The following SPAG16 variants were observed in gnomAD, a reference collection of about 807,000 sequenced individuals.
The protein encoded by SPAG16 is sperm-associated antigen 16 protein.
In SPAG16, 86 loss-of-function variants were observed where a neutral mutation model predicts 80.4. The observed-to-expected ratio is 1.07, with a 90% confidence interval of 0.90 to 1.28. SPAG16 has a LOEUF of 1.28. SPAG16 is among the 50% of genes most tolerant of loss of function. SPAG16 has a pLI of 0.00. For missense variants in SPAG16, 870 were observed against 765.3 expected, an observed-to-expected ratio of 1.14 and a Z score of -1.61; for synonymous variants, 294 against 265.9, an observed-to-expected ratio of 1.11 and a Z score of -1.03.
intron 9 of SPAG16, among the ~76,000 whole-genome samples, chr2:213,407,112 T>C (rs931747453): frequency 6.6e-6 from 1 of 152,054 alleles, no homozygotes; most frequent in African/African-American, 2.4e-5. Context: ...GCGTGAATGA[T>C]CACAAACAAC....
intron 12 of SPAG16, among the ~76,000 whole-genome samples, chr2:213,949,169 G>GTTTTTTTTTTTTTTTTTTTTTTT (rs767648099): frequency 1.8e-5 from 1 of 56,724 alleles, no homozygotes; most frequent in Non-Finnish European, 3.6e-5. Context: ...AATTACAACA[G>GTTTTTTTTTTTTTTTTTTTTTTT]TTTTTTTTTT....
chr2:213,633,045 ATTAG>A (rs1444601613), intron 10 of SPAG16, among the ~76,000 whole-genome samples: 1 of 152,112 alleles, frequency 6.6e-6, no homozygotes, highest in Admixed American at 6.6e-5. Flanking sequence ...TAGGATTGGT[ATTAG>A]TTCTTCTTTG....
At chr2:213,617,223 A>T (rs1285017189) in intron 10 of SPAG16, among the ~76,000 whole-genome samples, 1 of 152,114 alleles carries the variant, frequency 6.6e-6, no homozygotes, top group Non-Finnish European at 1.5e-5. Context: ...TCCTAATAAG[A>T]CCTAGTCTGG....
chr2:214,198,882 G>T (rs1228829128), intron 15 of SPAG16, among the ~76,000 whole-genome samples: 3 of 151,844 alleles, frequency 2.0e-5, no homozygotes, highest in Non-Finnish European at 4.4e-5. Flanking sequence ...TCATATGTTT[G>T]TTGGCCATTT....
intron 10 of SPAG16, among the ~76,000 whole-genome samples, chr2:213,747,761 A>T (rs548242648): frequency 1.3e-5 from 2 of 152,302 alleles, no homozygotes; most frequent in Admixed American, 1.3e-4. Context: ...ATCTCAGAAT[A>T]CATCACCGTC....
chr2:213,907,108 T>G (rs968100275), intron 11 of SPAG16, among the ~76,000 whole-genome samples: 1 of 152,056 alleles, frequency 6.6e-6, no homozygotes, highest in Non-Finnish European at 1.5e-5. Flanking sequence ...TTCAAACTAT[T>G]CATTCAACAA....
At chr2:213,672,019 T>A (rs2063829108) in intron 10 of SPAG16, among the ~76,000 whole-genome samples, 1 of 152,230 alleles carries the variant, frequency 6.6e-6, no homozygotes. Flanking sequence ...AAAAGTGATT[T>A]AGCCATAGAG....
At chr2:213,672,855 G>GTT (rs1559363006) in intron 10 of SPAG16, among the ~76,000 whole-genome samples, 1 of 133,598 alleles carries the variant, frequency 7.5e-6, no homozygotes, top group Non-Finnish European at 1.6e-5. Flanking sequence ...GTTTTATTTT[G>GTT]TTTGTTTTTT....
At chr2:214,261,187 A>G (rs543474402) in intron 15 of SPAG16, among the ~76,000 whole-genome samples, 1 of 147,862 alleles carries the variant, frequency 6.8e-6, no homozygotes, top group Non-Finnish European at 1.5e-5. Flanking sequence ...TGCATTCCTG[A>G]AACTCCCTCA....
intron 14 of SPAG16, among the ~76,000 whole-genome samples, chr2:214,126,917 G>T (rs190254865): frequency 6.6e-6 from 1 of 151,942 alleles, no homozygotes; most frequent in African/African-American, 2.4e-5. Context: ...CTTAAGAAAT[G>T]ATTATTTTGA....
At chr2:213,813,686 G>A (rs1352396693) in intron 10 of SPAG16, among the ~76,000 whole-genome samples, 1 of 152,138 alleles carries the variant, frequency 6.6e-6, no homozygotes, top group Admixed American at 6.6e-5. Context: ...AGCAGAGGCG[G>A]TCTGCTGCTA....
chr2:213,366,397 CT>C (rs565594256), intron 8 of SPAG16, among the ~76,000 whole-genome samples: 24 of 148,520 alleles, frequency 1.6e-4, no homozygotes, highest in East Asian at 3.9e-4. Flanking sequence ...GTGAGAAAAT[CT>C]TTTTTTTTTA....
chr2:213,313,906 G>T (rs1051354205), intron 4 of SPAG16, among the ~76,000 whole-genome samples: 71 of 151,882 alleles, frequency 4.7e-4, no homozygotes, highest in African/African-American at 1.7e-3. Context: ...AAATCTTTAT[G>T]AAAACATGGA....
chr2:213,360,032 TTC>T (rs1475910791), intron 7 of SPAG16, among the ~76,000 whole-genome samples: 2 of 152,198 alleles, frequency 1.3e-5, no homozygotes, highest in Non-Finnish European at 2.9e-5. Context: ...TAAATAGCTT[TTC>T]TCTCTCAACC....
chr2:213,359,072 T>C (rs1158094497), intron 7 of SPAG16, among the ~76,000 whole-genome samples: 1 of 152,202 alleles, frequency 6.6e-6, no homozygotes, highest in African/African-American at 2.4e-5. Flanking sequence ...TTTGCCTCGC[T>C]ATCACCAGCA....
chr2:214,115,919 A>G (rs974484763), intron 14 of SPAG16, among the ~76,000 whole-genome samples: 1 of 149,212 alleles, frequency 6.7e-6, no homozygotes, highest in African/African-American at 2.5e-5. Context: ...ATCTCCGCCC[A>G]CAAGAATCCT....
chr2:213,388,371 C>G (rs2067560925), intron 9 of SPAG16, among the ~76,000 whole-genome samples: 4 of 152,190 alleles, frequency 2.6e-5, no homozygotes, highest in Admixed American at 2.0e-4. Flanking sequence ...GCCAAGTCTC[C>G]TTTTCCCACC....
chr2:213,558,319 C>G (rs2059493844), intron 10 of SPAG16, among the ~76,000 whole-genome samples: 1 of 151,928 alleles, frequency 6.6e-6, no homozygotes, highest in African/African-American at 2.4e-5. Context: ...GAAAATCACT[C>G]AAAATTTGGT....
chr2:213,980,725 T>TGTATATATATATAGAGAGAG (rs2045692899), intron 12 of SPAG16, among the ~76,000 whole-genome samples: 1 of 104,028 alleles, frequency 9.6e-6, no homozygotes, highest in Admixed American at 1.1e-4. Context: ...TATATATATA[T>TGTATATATATATAGAGAGAG]AGAGAGAGAG....
Sources: allele counts gnomAD v4.1 joint callset (sites outside exome capture counted in the v4.1 genomes callset), GRCh38; gene constraint gnomAD v4.1.1; transcripts MANE v1.5; gene names NCBI Gene and HGNC (gene_info 2026-07-23, HGNC 2026-07-21).